The following CADM2 variants were observed in gnomAD, a reference collection of about 807,000 sequenced individuals.
CADM2 encodes the protein immunoglobulin superfamily member 4D.
In CADM2, 12 loss-of-function variants were observed where a neutral mutation model predicts 49.8. The ratio of observed to expected loss-of-function variants is 0.24; its 90% CI spans 0.15 to 0.39. CADM2 has a LOEUF of 0.39. Ranked by LOEUF, CADM2 falls within the 10% of genes least tolerant of loss-of-function variation. The pLI is 1.00. For synonymous variants in CADM2, 214 were observed against 175.4 expected (o/e 1.22, Z -1.74); for missense variants, 378 against 492.3 (o/e 0.77, Z 2.20).
chr3:85,288,050 A>G (rs1176866358), intron 1 of CADM2, among the ~76,000 whole-genome samples: 1 of 152,102 alleles, frequency 6.6e-6, no homozygotes, highest in African/African-American at 2.4e-5. Context: ...TACATATGTA[A>G]CAAACCTGCA....
At chr3:84,988,613 A>C (rs1265335890) in intron 1 of CADM2, among the ~76,000 whole-genome samples, 1 of 152,114 alleles carries the variant, frequency 6.6e-6, no homozygotes, top group Non-Finnish European at 1.5e-5. Context: ...TGAAACCCTC[A>C]TTGGCCACCT....
At chr3:85,637,816 T>G (rs972234897) in intron 1 of CADM2, among the ~76,000 whole-genome samples, 1 of 151,960 alleles carries the variant, frequency 6.6e-6, no homozygotes, top group African/African-American at 2.4e-5. Context: ...CAAGACTGCT[T>G]TCCTCCAGGA....
At chr3:85,765,142 C>T (rs1016951580) in intron 2 of CADM2, among the ~76,000 whole-genome samples, 2 of 151,910 alleles carry the variant, frequency 1.3e-5, no homozygotes, top group South Asian at 2.1e-4. Flanking sequence ...TCTAAGCTTT[C>T]GCAAAGAAAC....
At chr3:85,159,422 G>T (rs557601936) in intron 1 of CADM2, among the ~76,000 whole-genome samples, 45 of 151,120 alleles carry the variant, frequency 3.0e-4, no homozygotes, top group African/African-American at 1.1e-3. Flanking sequence ...GTTGTAGACT[G>T]GTCCATGTAC....
intron 1 of CADM2, among the ~76,000 whole-genome samples, chr3:85,024,713 G>T (rs1187775409): frequency 1.3e-5 from 2 of 150,086 alleles, no homozygotes; most frequent in African/African-American, 4.9e-5. Context: ...CTGAAAATAC[G>T]TTAATTAATT....
chr3:85,925,762 A>G (rs1719746510), intron 6 of CADM2, among the ~76,000 whole-genome samples: 1 of 152,170 alleles, frequency 6.6e-6, no homozygotes, highest in Non-Finnish European at 1.5e-5. Flanking sequence ...ATTCGTATCA[A>G]TGCATACAGC....
In CADM2 at chr3:85,436,401, T is replaced by G. The variant is rs541621874; in HGVS notation, c.62-290121T>G. Among the ~76,000 whole-genome samples the G allele has an allele frequency of 1.3e-3, 197 of 152,208 alleles. 2 individuals are homozygous for G. Among genetic ancestry groups the G allele is most frequent in the African/African-American group, 4.6e-3 (191 of 41,550 alleles). On this transcript the variant is annotated intron_variant, in intron 1 of 9. Coordinates refer to ENST00000383699, the MANE Select transcript of CADM2 (RefSeq NM_001167675.2). ...AACTTGACTTCCTTTCTTCCTATTTTAATATGCTTTATTTCTTTCTTTTGC... is the reference window on the plus strand; with the variant it reads ...AACTTGACTTCCTTTCTTCCTATTTGAATATGCTTTATTTCTTTCTTTTGC...
At chr3:85,186,292 CA>C (rs2107713955) in intron 1 of CADM2, among the ~76,000 whole-genome samples, 1 of 152,114 alleles carries the variant, frequency 6.6e-6, no homozygotes, top group Admixed American at 6.6e-5. Context: ...CCTTCCAGCA[CA>C]ATAGTGAAAT....
intron 1 of CADM2, among the ~76,000 whole-genome samples, chr3:85,608,749 C>A (rs2063601663): frequency 6.6e-6 from 1 of 152,088 alleles, no homozygotes; most frequent in African/African-American, 2.4e-5. Context: ...ACTAAGATTT[C>A]TCTTGTCCTG....
intron 6 of CADM2, among the ~76,000 whole-genome samples, chr3:85,919,784 T>C (rs1718859752): frequency 6.6e-6 from 1 of 151,934 alleles, no homozygotes; most frequent in Admixed American, 6.6e-5. Context: ...TTTGTTACTT[T>C]TCTGGACCAA....
chr3:85,453,860 G>A (rs2037866234), intron 1 of CADM2, among the ~76,000 whole-genome samples: 1 of 152,002 alleles, frequency 6.6e-6, no homozygotes, highest in Non-Finnish European at 1.5e-5. Context: ...TGAAAATCTG[G>A]ATGATTAGTA....
At position 85,865,801 on chromosome 3, in the gene CADM2, C is replaced by G. The variant is rs186940806; in HGVS notation, c.239-17490C>G. On this transcript the variant is annotated intron_variant, in intron 3 of 9. Transcript: ENST00000383699. ...TACGGAACTTAAACTACAATAGATA[C>G]AATATTATCACAGAAAACTATAATA... is the stretch of plus-strand genomic sequence containing the variant. Among the ~76,000 whole-genome samples, 182 of 152,096 alleles carry G rather than the reference C, an allele frequency of 1.2e-3. 1 individual carries two copies. The highest frequency in any genetic ancestry group is 4.1e-3 in the African/African-American group (171 of 41,494).
chr3:85,598,855 G>GTATA (rs548323149), intron 1 of CADM2, among the ~76,000 whole-genome samples: 45 of 46,250 alleles, frequency 9.7e-4, no homozygotes, highest in African/African-American at 1.5e-3. Flanking sequence ...GTGTGTGTGT[G>GTATA]TATATATATA....
At position 86,067,829 on chromosome 3, in the gene CADM2, T is replaced by G. The variant is rs1175803548; in HGVS notation, c.*1046T>G. 3 of 152,482 alleles carry G rather than the reference T, an allele frequency of 2.0e-5. No homozygotes were observed. Among genetic ancestry groups the G allele is most frequent in the African/African-American group, 7.2e-5 (3 of 41,454 alleles). 9.4% of individuals were successfully genotyped at this position (152,482 alleles called of 1,614,324 possible). A position where few individuals can be genotyped will look rare whatever the true frequency, so the allele number is the denominator to read the frequency against. On this transcript the variant is annotated 3_prime_UTR_variant, in exon 10 of 10. Transcript: ENST00000383699. The stretch of plus-strand genomic sequence containing the variant: ...ACATGTATTAGTATTTTTGTCTGTA[T>G]GTCCTAGCACTGTTCAACAACAAAT...
At chr3:85,079,631 C>A (rs1389493546) in intron 1 of CADM2, among the ~76,000 whole-genome samples, 4 of 151,754 alleles carry the variant, frequency 2.6e-5, no homozygotes, top group African/African-American at 7.2e-5. Context: ...CTGAATGCAA[C>A]ACAGTCATTA....
Position 85,912,387 on chromosome 3 carries a change from A to C in CADM2, c.544A>C (p.Lys182Gln), listed in dbSNP as rs772400982. 3 of 1,607,774 alleles carry C rather than the reference A, an allele frequency of 1.9e-6. No homozygotes were observed. In the East Asian group the frequency reaches 6.7e-5, roughly 36 times the overall value. The stretch of plus-strand genomic sequence containing the variant: ...TTTATTTTCAGATGTAAAATATTTA[A>C]AAGAAGAGGATGCAAATCGCAAGAC... ...DKEIKDVKYLKEEDANRKTFT... is the reference protein window; with the variant it reads ...DKEIKDVKYLQEEDANRKTFT... Residue 182 changes from lysine to glutamine, a missense_variant, in exon 6 of 10, where the codon AAA becomes CAA. Transcript: ENST00000383699.
intron 2 of CADM2, among the ~76,000 whole-genome samples, chr3:85,729,420 T>C (rs1040937473): frequency 2.6e-5 from 4 of 152,128 alleles, no homozygotes; most frequent in African/African-American, 9.7e-5. Context: ...CTCACTATTG[T>C]TGCCTGTCAA....
intron 1 of CADM2, among the ~76,000 whole-genome samples, chr3:85,719,003 T>C (rs2067404608): frequency 6.6e-6 from 1 of 151,356 alleles, no homozygotes; most frequent in African/African-American, 2.4e-5. Flanking sequence ...ACCTCCACTT[T>C]TCACATTCAA....
intron 1 of CADM2, among the ~76,000 whole-genome samples, chr3:85,470,406 T>C (rs899227031): frequency 2.0e-5 from 3 of 152,070 alleles, no homozygotes; most frequent in African/African-American, 7.2e-5. Context: ...TGTGCTGAAA[T>C]ATAGTAGATC....
Sources: allele counts gnomAD v4.1 joint callset (sites outside exome capture counted in the v4.1 genomes callset), GRCh38; gene constraint gnomAD v4.1.1; transcripts MANE v1.5; gene names NCBI Gene and HGNC (gene_info 2026-07-23, HGNC 2026-07-21).